The following ARHGAP39 variants were observed in gnomAD, a reference collection of about 807,000 sequenced individuals.
The protein encoded by ARHGAP39 is Rho GTPase activating protein 39, also known as rho GTPase-activating protein 39.
A neutral mutation model predicts 106.9 loss-of-function variants in ARHGAP39; 44 were observed. The observed-to-expected ratio is 0.41, with a 90% CI of 0.32 to 0.53. The LOEUF (loss-of-function observed/expected upper bound fraction) is 0.53, where lower values mean the gene tolerates loss of function less well. Among genes scored for constraint, ARHGAP39 ranks in the 20% least tolerant of loss-of-function variants. ARHGAP39 has a pLI of 0.21. For synonymous variants in ARHGAP39, 768 were observed against 693.2 expected (o/e 1.11, Z -1.69); for missense variants, 1,496 against 1,577.3 (o/e 0.95, Z 0.87).
chr8:144,581,053 G>A lies in ARHGAP39; in HGVS notation c.305C>T (p.Pro102Leu), dbSNP rs779538075. 2.5e-6 allele frequency: 4 copies of A among 1,584,624 alleles called. No homozygotes were observed. Among genetic ancestry groups the A allele is most frequent in the East Asian group, 2.3e-5 (1 of 43,598 alleles). ...CTTCAGCGTCTGCAGCTTGGCCAGC[G>A]GGATGATGTCGCAGCCCTGCGGCCG... The part of the protein sequence containing the change: ...WHRPQGCDII[P>L]LAKLQTLKQN... Residue 102 changes from proline (P) to leucine (L), a missense_variant, in exon 3 of 12, where the codon CCG (proline) becomes CTG (leucine). Physicochemically the swap from Pro to Leu is moderately conservative, Grantham distance 98. This residue lies in a region of ARHGAP39 where 25 missense variants were observed against 48.0 expected (regional missense o/e 0.52). Transcript: ENST00000377307.
intron 1 of ARHGAP39, among the ~76,000 whole-genome samples, chr8:144,661,805 G>GTGTC (rs1821829373): frequency 2.0e-5 from 3 of 150,726 alleles, no homozygotes; most frequent in Admixed American, 1.3e-4. Flanking sequence ...GACCCCTCCT[G>GTGTC]TGTCTCTATT....
chr8:144,609,809 C>T (rs1183188239), intron 1 of ARHGAP39, among the ~76,000 whole-genome samples: 1 of 152,168 alleles, frequency 6.6e-6, no homozygotes, highest in Non-Finnish European at 1.5e-5. Context: ...CTTGTAACAT[C>T]TTTGGTTTTG....
intron 1 of ARHGAP39, among the ~76,000 whole-genome samples, chr8:144,661,224 C>A (rs1821814405): frequency 6.6e-6 from 1 of 152,036 alleles, no homozygotes; most frequent in Non-Finnish European, 1.5e-5. Context: ...GAGGCCATTC[C>A]ACTCTACACA....
intron 3 of ARHGAP39, among the ~76,000 whole-genome samples, chr8:144,562,183 T>C (rs112760357): frequency 0.056 from 7,727 of 136,790 alleles, 470 homozygotes; most frequent in African/African-American, 0.21. Flanking sequence ...TTCCATCACA[T>C]CCCAGTGGTT....
chr8:144,553,819 TG>T (rs1310549598), intron 4 of ARHGAP39, among the ~76,000 whole-genome samples: 1 of 152,256 alleles, frequency 6.6e-6, no homozygotes, highest in Non-Finnish European at 1.5e-5. Flanking sequence ...AACACTGGGC[TG>T]GGCCGCCCAA....
chr8:144,570,455 A>G lies in ARHGAP39; in HGVS notation c.512+10391T>C, dbSNP rs1347838348. The stretch of plus-strand genomic sequence containing the variant: ...GGCAAATTCTAACCAAAGAGAAACA[A>G]TGGCACCACAAACTCTAAAAGTTGA... On this transcript the variant is annotated intron_variant, in intron 3 of 11. Coordinates refer to ENST00000377307, the MANE Select transcript of ARHGAP39 (RefSeq NM_025251.3). 3.5e-4 allele frequency among the ~76,000 whole-genome samples: 54 copies of G among 152,230 alleles called. 1 individual carries two copies. The highest frequency in any genetic ancestry group is 3.5e-3 in the Admixed American group (54 of 15,282).
intron 1 of ARHGAP39, among the ~76,000 whole-genome samples, chr8:144,614,354 A>AT (rs553972832): frequency 0.036 from 4,851 of 136,588 alleles, 120 homozygotes; most frequent in Admixed American, 0.079. Context: ...TCCTGTTACT[A>AT]TTTTTTTTTT....
At chr8:144,652,090 T>G (rs1821587552) in intron 1 of ARHGAP39, among the ~76,000 whole-genome samples, 1 of 152,112 alleles carries the variant, frequency 6.6e-6, no homozygotes, top group Non-Finnish European at 1.5e-5. Context: ...TAAATGAGCT[T>G]CTGCACAGCA....
intron 2 of ARHGAP39, among the ~76,000 whole-genome samples, chr8:144,593,199 A>C (rs1819472550): frequency 6.6e-6 from 1 of 152,128 alleles, no homozygotes; most frequent in Non-Finnish European, 1.5e-5. Flanking sequence ...CGATCAGCCC[A>C]CATAAGCCTT....
In ARHGAP39 at chr8:144,583,191, C is replaced by T. The variant is rs1249872683; in HGVS notation, c.81-1914G>A. 5.9e-5 allele frequency among the ~76,000 whole-genome samples: 9 copies of T among 152,166 alleles called. No homozygotes were observed. In the South Asian group the frequency reaches 6.2e-4, roughly 10 times the overall value. ...CAGTGGGTCCCCCAGTCGCTCCTGA[C>T]GAACAAATCTAGGCAGCACCTTTCA... On this transcript the variant is annotated intron_variant, in intron 2 of 11. Coordinates refer to ENST00000377307, the MANE Select transcript of ARHGAP39 (RefSeq NM_025251.3).
the ARHGAP39 span, among the ~76,000 whole-genome samples, chr8:144,692,969 G>T: frequency 6.6e-6 from 1 of 150,996 alleles, no homozygotes; most frequent in African/African-American, 2.4e-5. Context: ...GTGTTTCCCA[G>T]GCTGATCTCA....
rs191273882 is a variant in ARHGAP39 at position 144,655,425 on chromosome 8, G to A, written c.-82+30261C>T. 3.0e-4 allele frequency among the ~76,000 whole-genome samples: 46 copies of A among 152,296 alleles called. No individual in the cohort carries two copies. The East Asian group carries it at 6.9e-3, about 23-fold the overall frequency. On this transcript the variant is annotated intron_variant, in intron 1 of 11. Transcript: ENST00000377307. ...CCAGGACTACTGGCTACAAAGAGGA[G>A]CAGCCCAATCCAGGGCTTCTTCTCT...
At chr8:144,680,202 G>C (rs1158533618) in intron 1 of ARHGAP39, among the ~76,000 whole-genome samples, 3 of 152,138 alleles carry the variant, frequency 2.0e-5, no homozygotes, top group Non-Finnish European at 4.4e-5. Flanking sequence ...GGTTCAGCTA[G>C]AAGACCACCT....
intron 3 of ARHGAP39, among the ~76,000 whole-genome samples, chr8:144,572,628 G>A (rs1248850582): frequency 6.6e-6 from 1 of 152,008 alleles, no homozygotes; most frequent in African/African-American, 2.4e-5. Flanking sequence ...TAGATAAATG[G>A]GATCTAATTA....
At chr8:144,611,545 TAC>T (rs1354430693) in intron 1 of ARHGAP39, among the ~76,000 whole-genome samples, 4 of 152,378 alleles carry the variant, frequency 2.6e-5, no homozygotes, top group South Asian at 2.1e-4. Flanking sequence ...CATACACATT[TAC>T]AGTGTCTTCT....
intron 1 of ARHGAP39, among the ~76,000 whole-genome samples, chr8:144,607,235 CAA>C (rs1167793437): frequency 1.4e-4 from 7 of 50,696 alleles, no homozygotes; most frequent in African/African-American, 4.1e-4. Context: ...GACATTGTCT[CAA>C]AAAAAAAAAA....
At chr8:144,574,151 A>AG (rs1485986635) in intron 3 of ARHGAP39, among the ~76,000 whole-genome samples, 1 of 56,618 alleles carries the variant, frequency 1.8e-5, no homozygotes. Context: ...GGGTGACAGA[A>AG]AAAAAAAAAA....
chr8:144,601,816 GA>G (rs1819976883), intron 2 of ARHGAP39, among the ~76,000 whole-genome samples: 1 of 132,868 alleles, frequency 7.5e-6, no homozygotes, highest in Non-Finnish European at 1.6e-5. Flanking sequence ...TGTGTGTGTG[GA>G]GGCGTGTGTG....
At chr8:144,621,573 T>A (rs1030589210) in intron 1 of ARHGAP39, among the ~76,000 whole-genome samples, 2 of 152,152 alleles carry the variant, frequency 1.3e-5, no homozygotes, top group African/African-American at 4.8e-5. Flanking sequence ...GCTCATGTTG[T>A]TGGGAGGCTG....
Sources: allele counts gnomAD v4.1 joint callset (sites outside exome capture counted in the v4.1 genomes callset), GRCh38; gene constraint gnomAD v4.1.1; regional missense constraint gnomAD v4.1.1; transcripts MANE v1.5; gene names NCBI Gene and HGNC (gene_info 2026-07-23, HGNC 2026-07-21).